The following NBAS variants were observed in gnomAD, a reference collection of about 807,000 sequenced individuals.
NBAS encodes NAG/BC035112 fusion.
Under a neutral mutation model 302.5 loss-of-function variants are expected in NBAS, and 219 were observed. The ratio of observed to expected loss-of-function variants is 0.72; its 90% CI spans 0.65 to 0.81. NBAS has a LOEUF of 0.81. Ranked by LOEUF, NBAS falls within the 30% of genes least tolerant of loss-of-function variation. The probability of loss-of-function intolerance (pLI) is 0.00; values close to 1 mark genes in which losing one functional copy is unlikely to be tolerated. For synonymous variants in NBAS, 1,118 were observed against 1,021.6 expected, an observed-to-expected ratio of 1.09 and a Z score of -1.80; for missense variants, 2,932 against 2,841.6, an observed-to-expected ratio of 1.03 and a Z score of -0.72.
rs1664946331 is a variant in NBAS at position 15,183,873 on chromosome 2, C to T, written c.6711+2869G>A. On this transcript the variant is annotated intron_variant, in intron 50 of 51. Transcript: ENST00000281513. ...CTATCTTTTCTGACCTCTTAAAAAA[C>T]ACTTAGCAATCACTGACCAGATGAT... Among the ~76,000 whole-genome samples, 3 of 152,172 alleles carry T rather than the reference C, an allele frequency of 2.0e-5. 1 individual carries two copies. The South Asian group carries it at 6.2e-4, about 32-fold the overall frequency.
At chr2:15,068,584 C>T in the NBAS span, among the ~76,000 whole-genome samples, 16 of 120,482 alleles carry the variant, frequency 1.3e-4, no homozygotes, top group African/African-American at 4.4e-4. Flanking sequence ...TCTTTTGAAT[C>T]CTGATGACTA....
intron 12 of NBAS, among the ~76,000 whole-genome samples, chr2:15,481,910 C>CT (rs1680443764): frequency 1.3e-5 from 2 of 152,190 alleles, no homozygotes; most frequent in African/African-American, 4.8e-5. Flanking sequence ...ACATCGCTCT[C>CT]TCCCTTCTCC....
chr2:15,019,736 T>A, the NBAS span, among the ~76,000 whole-genome samples: 1 of 152,130 alleles, frequency 6.6e-6, no homozygotes, highest in African/African-American at 2.4e-5. Flanking sequence ...GGAGCCCTCA[T>A]GAATGAGACC....
rs184562524 is a variant in NBAS, at chr2:15,241,612, C to T, written c.5725-2926G>A. 1.1e-4 allele frequency among the ~76,000 whole-genome samples: 16 copies of T among 152,276 alleles called. No individual in the cohort carries two copies. The East Asian group carries it at 2.9e-3, about 28-fold the overall frequency. On this transcript the variant is annotated intron_variant, in intron 44 of 51. Transcript: ENST00000281513. ...AAATGAAAAAAAATGACCCCTGCTG[C>T]ACAACTTTAAGAACTTAAGACAATA...
At chr2:15,436,276 C>A (rs1307683231) in intron 21 of NBAS, among the ~76,000 whole-genome samples, 2 of 152,120 alleles carry the variant, frequency 1.3e-5, no homozygotes, top group Admixed American at 6.5e-5. Flanking sequence ...TGTAGATAAC[C>A]CTTTCTGCAT....
intron 37 of NBAS, 69 bp downstream of exon 37, chr2:15,328,130 T>C (rs1444066806): frequency 6.9e-7 from 1 of 1,438,856 alleles, no homozygotes; most frequent in Admixed American, 1.9e-5. Context: ...AAGAAAATTT[T>C]AGTTTTTGTT....
chr2:15,126,547 GA>G, the NBAS span, among the ~76,000 whole-genome samples: 1 of 152,148 alleles, frequency 6.6e-6, no homozygotes, highest in Admixed American at 6.5e-5. Context: ...ACACAGATCA[GA>G]GGTACCTCAC....
the NBAS span, among the ~76,000 whole-genome samples, chr2:15,161,038 A>G: frequency 1.3e-5 from 2 of 152,310 alleles, no homozygotes; most frequent in South Asian, 4.2e-4. Context: ...ATGGTCATGG[A>G]GACTATTAGC....
At chr2:14,949,010 C>G in the NBAS span, among the ~76,000 whole-genome samples, 2 of 152,028 alleles carry the variant, frequency 1.3e-5, no homozygotes, top group Admixed American at 1.3e-4. Flanking sequence ...GGCTTTTCAA[C>G]AAATGATACC....
At chr2:14,954,665 C>T in the NBAS span, among the ~76,000 whole-genome samples, 1 of 152,106 alleles carries the variant, frequency 6.6e-6, no homozygotes. Flanking sequence ...GGGAAGAAAA[C>T]ACATCGTTCT....
At chr2:15,406,103 T>TAAAAAAAAAAAAAAAAAAAAAA (rs71400653) in intron 25 of NBAS, among the ~76,000 whole-genome samples, 1 of 115,060 alleles carries the variant, frequency 8.7e-6, no homozygotes, top group African/African-American at 3.5e-5. Context: ...CAATAACATG[T>TAAAAAAAAAAAAAAAAAAAAAA]AAAAAAAAAA....
At chr2:14,877,381 G>A in the NBAS span, among the ~76,000 whole-genome samples, 1 of 152,068 alleles carries the variant, frequency 6.6e-6, no homozygotes, top group African/African-American at 2.4e-5. Flanking sequence ...GCTCCTACTG[G>A]TATATACTGG....
chr2:14,930,087 G>T, the NBAS span, among the ~76,000 whole-genome samples: 6 of 152,174 alleles, frequency 3.9e-5, no homozygotes, highest in Non-Finnish European at 7.3e-5. Flanking sequence ...TTCCTGTGCA[G>T]CCTGTGGAAC....
rs1030137237 is a variant in NBAS at position 15,436,841 on chromosome 2, G to A, written c.2340-9047C>T. ...TATGAGCTCCTTCAAAGCTTTCATC[G>A]TTTTTGATTCGTTAGTGGAATACCT... On this transcript the variant is annotated intron_variant, in intron 21 of 51. Transcript: ENST00000281513. Among the ~76,000 whole-genome samples, 5 of 151,970 alleles carry A rather than the reference G, an allele frequency of 3.3e-5. No homozygotes were observed. The South Asian group carries it at 8.3e-4, about 25-fold the overall frequency.
intron 49 of NBAS, among the ~76,000 whole-genome samples, chr2:15,188,938 C>G (rs535162819): frequency 6.6e-6 from 1 of 152,148 alleles, no homozygotes; most frequent in African/African-American, 2.4e-5. Flanking sequence ...GGGCTCCACA[C>G]CTGTCTCACA....
rs1558509016 is a variant in NBAS at position 15,292,669 on chromosome 2, A to T, written c.4895T>A (p.Leu1632Ter). The T allele has an allele frequency of 3.1e-6, 5 of 1,614,162 alleles. No homozygotes were observed. Among genetic ancestry groups the T allele is most frequent in the Non-Finnish European group, 4.2e-6 (5 of 1,180,014 alleles). The change falls in exon 41 of 52, where the codon TTA becomes TAA. Residue 1632 changes from leucine (L) to a stop codon, truncating the protein, a stop_gained. Transcript: ENST00000281513. LOFTEE classifies it high-confidence loss of function. ...PEDLISLTKQLHCYNERLLDF... is the reference protein window; with the variant it reads ...PEDLISLTKQ ...CAGGAGACGTTCATTGTAGCAGTGTAACTGCTTGGTCAGTGAAATAAGGTC... is the reference window on the plus strand; with the variant it reads ...CAGGAGACGTTCATTGTAGCAGTGTTACTGCTTGGTCAGTGAAATAAGGTC...
At chr2:15,204,057 T>C (rs1666022880) in intron 48 of NBAS, among the ~76,000 whole-genome samples, 1 of 151,100 alleles carries the variant, frequency 6.6e-6, no homozygotes, top group African/African-American at 2.4e-5. Flanking sequence ...AACCCAGGAG[T>C]TTGAGTCCAG....
intron 3 of NBAS, among the ~76,000 whole-genome samples, chr2:15,556,487 C>T (rs113786551): frequency 3.3e-5 from 5 of 152,126 alleles, no homozygotes; most frequent in Non-Finnish European, 5.9e-5. Flanking sequence ...AAAAGATATG[C>T]AGGCTACAGA....
At chr2:15,259,567 C>T (rs1016189085) in intron 44 of NBAS, among the ~76,000 whole-genome samples, 1 of 152,230 alleles carries the variant, frequency 6.6e-6, no homozygotes, top group Non-Finnish European at 1.5e-5. Flanking sequence ...AAATCTTCTA[C>T]CACCTAGTGT....
Sources: allele counts gnomAD v4.1 joint callset (sites outside exome capture counted in the v4.1 genomes callset), GRCh38; gene constraint gnomAD v4.1.1; transcripts MANE v1.5; gene names NCBI Gene and HGNC (gene_info 2026-07-23, HGNC 2026-07-21).